The following CCDC146 variants were observed in gnomAD, a reference collection of about 807,000 sequenced individuals.
CCDC146 encodes coiled-coil domain containing 146.
CCDC146 carries 92 observed loss-of-function variants against 119.3 expected under a neutral mutation model. The ratio of observed to expected loss-of-function variants is 0.77; its 90% CI spans 0.65 to 0.92. The LOEUF is 0.92. CCDC146 is among the 40% of genes least tolerant of loss of function. The pLI is 0.00. For missense variants in CCDC146, 1,000 were observed against 1,103.0 expected (o/e 0.91, Z 1.32); for synonymous variants, 372 against 371.8 (o/e 1.00, Z -0.01).
At chr7:77,252,352 A>T (rs1182773949) in intron 4 of CCDC146, among the ~76,000 whole-genome samples, 1 of 152,218 alleles carries the variant, frequency 6.6e-6, no homozygotes, top group Non-Finnish European at 1.5e-5. Context: ...AAACAGGGTA[A>T]ACTCAAAGAA....
At chr7:77,245,687 G>A (rs1433728193) in intron 4 of CCDC146, among the ~76,000 whole-genome samples, 1 of 151,970 alleles carries the variant, frequency 6.6e-6, no homozygotes, top group African/African-American at 2.4e-5. Flanking sequence ...TTCCATTCTT[G>A]GTCCAGTGCT....
At chr7:77,214,760 C>A (rs1317403242) in intron 2 of CCDC146, among the ~76,000 whole-genome samples, 1 of 152,018 alleles carries the variant, frequency 6.6e-6, no homozygotes, top group Non-Finnish European at 1.5e-5. Flanking sequence ...GGCTTTATTT[C>A]TGAGTTCTCT....
chr7:77,143,914 C>T (rs1790975776), intron 1 of CCDC146, among the ~76,000 whole-genome samples: 1 of 151,654 alleles, frequency 6.6e-6, no homozygotes, highest in African/African-American at 2.4e-5. Context: ...TTTTTGGTTC[C>T]ACATGAACTT....
chr7:77,145,062 T>C (rs1475473257), intron 1 of CCDC146, among the ~76,000 whole-genome samples: 1 of 151,812 alleles, frequency 6.6e-6, no homozygotes, highest in Non-Finnish European at 1.5e-5. Context: ...CTTTTTTTGG[T>C]TAGTAGGCTA....
At chr7:77,275,068 CA>C (rs201616093) in intron 11 of CCDC146, among the ~76,000 whole-genome samples, 445 of 28,812 alleles carry the variant, frequency 0.015, 2 homozygotes, top group African/African-American at 0.043. Context: ...GAAGGAAACT[CA>C]AAAAAAAAAA....
intron 2 of CCDC146, among the ~76,000 whole-genome samples, chr7:77,225,243 A>C (rs550467386): frequency 6.6e-6 from 1 of 152,346 alleles, no homozygotes; most frequent in African/African-American, 2.4e-5. Flanking sequence ...CAAGTTACAT[A>C]GTTTTAAAAA....
Position 77,243,114 on chromosome 7 carries a change from T to C in CCDC146, c.449+1214T>C, listed in dbSNP as rs532312363. On this transcript the variant is annotated intron_variant, in intron 4 of 18. Transcript: ENST00000285871. ...TGGTTGTTCATTAGCATTGAAAATATGAATGCTTGACATTTCCATGAAAGA... is the reference window on the plus strand; with the variant it reads ...TGGTTGTTCATTAGCATTGAAAATACGAATGCTTGACATTTCCATGAAAGA... Among the ~76,000 whole-genome samples, 65 of 152,334 alleles carry C rather than the reference T, an allele frequency of 4.3e-4. No homozygotes were observed. The South Asian group carries it at 0.013, about 31-fold the overall frequency.
chr7:77,151,492 G>T (rs1437831995), intron 1 of CCDC146, among the ~76,000 whole-genome samples: 1 of 152,034 alleles, frequency 6.6e-6, no homozygotes, highest in Admixed American at 6.6e-5. Context: ...CAGGTAGAAA[G>T]AACTTTTTAA....
chr7:77,157,881 C>T (rs895154577), intron 1 of CCDC146, among the ~76,000 whole-genome samples: 6 of 152,168 alleles, frequency 3.9e-5, no homozygotes, highest in African/African-American at 1.4e-4. Context: ...TCTCTGCGTC[C>T]CCTAAGGTCA....
At position 77,167,707 on chromosome 7, in the gene CCDC146, A is replaced by G; in HGVS notation, c.39A>G (p.Glu13=). Residue 13 remains glutamate, a synonymous_variant, in exon 2 of 19, where the codon GAA becomes GAG. Transcript: ENST00000285871. The part of the protein sequence containing the change: ...DSSTDTEKEE[E]EEKDEKDQEP... ...GCACAGACACAGAAAAAGAAGAGGAAGAGGAGAAAGATGAAAAGGATCAAG... is the reference window on the plus strand; with the variant it reads ...GCACAGACACAGAAAAAGAAGAGGAGGAGGAGAAAGATGAAAAGGATCAAG... The G allele has an allele frequency of 6.2e-7, 1 of 1,604,086 alleles. No homozygotes were observed.
intron 3 of CCDC146, among the ~76,000 whole-genome samples, chr7:77,241,085 TCTCA>T: frequency 1.4e-5 from 1 of 70,246 alleles, no homozygotes; most frequent in African/African-American, 5.9e-5. Flanking sequence ...TGAGATGGAG[TCTCA>T]CTCTGTCGCC....
chr7:77,280,531 A>G lies in CCDC146; in HGVS notation c.1797A>G (p.Lys599=), dbSNP rs1219181803. ...RKIVSKLQEM[K]EKKEAQLNNI... is the part of the protein sequence containing the mutation. ...TTGTATCAAAACTTCAGGAAATGAA[A>G]GAAAAGAAGGAAGCCCAGTTAAATA... The change falls in exon 14 of 19, where the codon AAA becomes AAG. Residue 599 remains lysine, a synonymous_variant. Transcript: ENST00000285871. The G allele has an allele frequency of 1.2e-6, 2 of 1,614,110 alleles. No individual in the cohort carries two copies. Among genetic ancestry groups the G allele is most frequent in the East Asian group, 2.2e-5 (1 of 44,902 alleles).
At chr7:77,135,480 C>CGA (rs895647262) in intron 1 of CCDC146, among the ~76,000 whole-genome samples, 12 of 148,236 alleles carry the variant, frequency 8.1e-5, no homozygotes, top group South Asian at 4.3e-4. Context: ...AAAGAAAGAG[C>CGA]GAGAGAGAGA....
intron 2 of CCDC146, among the ~76,000 whole-genome samples, chr7:77,176,394 A>C (rs1448375567): frequency 1.2e-4 from 18 of 151,204 alleles, no homozygotes; most frequent in Admixed American, 1.2e-3. Flanking sequence ...AGGAAGTATA[A>C]AATTCTATAG....
At position 77,241,346 on chromosome 7, in the gene CCDC146, C is replaced by T. The variant is rs1456536664; in HGVS notation, c.240-345C>T. 2.1e-5 allele frequency among the ~76,000 whole-genome samples: 2 copies of T among 95,256 alleles called. 1 individual carries two copies. Among genetic ancestry groups the T allele is most frequent in the Non-Finnish European group, 5.9e-5 (2 of 33,834 alleles). The allele number at this position is 95,256 out of a possible 152,430, so 62.5% of individuals were successfully genotyped here. A position where few individuals can be genotyped will look rare whatever the true frequency, so the allele number is the denominator to read the frequency against. On this transcript the variant is annotated intron_variant, in intron 3 of 18. Coordinates refer to ENST00000285871, the MANE Select transcript of CCDC146 (RefSeq NM_020879.3). ...TGCTGGGATTACAGGCATGAGCCATCGCGCCCGGCCACGTTGACAGTTTTA... is the reference window on the plus strand; with the variant it reads ...TGCTGGGATTACAGGCATGAGCCATTGCGCCCGGCCACGTTGACAGTTTTA...
At chr7:77,141,890 T>TTTTGCTG (rs1345795352) in intron 1 of CCDC146, among the ~76,000 whole-genome samples, 1 of 152,230 alleles carries the variant, frequency 6.6e-6, no homozygotes, top group Non-Finnish European at 1.5e-5. Context: ...TGATAGTTTC[T>TTTTGCTG]TTTGCTGTGC....
At chr7:77,159,990 T>C (rs1791234292) in intron 1 of CCDC146, among the ~76,000 whole-genome samples, 1 of 152,244 alleles carries the variant, frequency 6.6e-6, no homozygotes, top group Admixed American at 6.5e-5. Context: ...TACATATGGC[T>C]AGCCAGTTTT....
chr7:77,206,017 T>C (rs140820145), intron 2 of CCDC146, among the ~76,000 whole-genome samples: 1 of 152,324 alleles, frequency 6.6e-6, no homozygotes, highest in African/African-American at 2.4e-5. Context: ...AGTTGCCTTC[T>C]TTGACTTCAG....
intron 2 of CCDC146, among the ~76,000 whole-genome samples, chr7:77,183,669 A>G (rs925052221): frequency 1.3e-5 from 2 of 152,142 alleles, no homozygotes; most frequent in African/African-American, 4.8e-5. Context: ...CTCCTGAAGC[A>G]TCTCCCTTCC....
Sources: allele counts gnomAD v4.1 joint callset (sites outside exome capture counted in the v4.1 genomes callset), GRCh38; gene constraint gnomAD v4.1.1; transcripts MANE v1.5; gene names NCBI Gene and HGNC (gene_info 2026-07-23, HGNC 2026-07-21).